The following SRSF7 variants were observed in gnomAD, a reference collection of about 807,000 sequenced individuals.
SRSF7 encodes the protein serine and arginine rich splicing factor 7.
SRSF7 carries 15 observed loss-of-function variants against 42.2 expected under a neutral mutation model. That is an observed-to-expected ratio of 0.36 (90% CI 0.24 to 0.55). SRSF7 has a LOEUF of 0.55. SRSF7 is among the 20% of genes least tolerant of loss of function. SRSF7 has a pLI of 0.88. For synonymous variants in SRSF7, 138 were observed against 107.9 expected, an observed-to-expected ratio of 1.28 and a Z score of -1.73; for missense variants, 181 against 305.9, an observed-to-expected ratio of 0.59 and a Z score of 3.04.
chr2:38,746,265 G>A (rs1030230312), intron 6 of SRSF7, 86 bp from the exon 7 acceptor site: 7 of 1,443,236 alleles, frequency 4.9e-6, no homozygotes, highest in African/African-American at 1.4e-5. Flanking sequence ...ACCCCCAAAT[G>A]TCCTAAGCTT....
intron 6 of SRSF7, 40 bp downstream of exon 6, chr2:38,746,654 G>T (rs755949158): frequency 6.2e-7 from 1 of 1,607,440 alleles, no homozygotes. Context: ...GGATATTGGT[G>T]CCATATAACT....
At chr2:38,745,576 A>G (rs1226275396) in intron 7 of SRSF7, among the ~76,000 whole-genome samples, 1 of 151,732 alleles carries the variant, frequency 6.6e-6, no homozygotes, top group Non-Finnish European at 1.5e-5. Context: ...AATTGCTTGA[A>G]CCCGGGAATC....
chr2:38,750,517 G>T (rs575603447), intron 1 of SRSF7, among the ~76,000 whole-genome samples: 1 of 151,526 alleles, frequency 6.6e-6, no homozygotes, highest in African/African-American at 2.4e-5. Flanking sequence ...CGGGCGCACC[G>T]GGAGCGCGCG....
At chr2:38,748,226 G>C in intron 4 of SRSF7, 69 bp from the exon 5 acceptor site, 1 of 1,217,812 alleles carries the variant, frequency 8.2e-7, no homozygotes. Context: ...ACTTCAACTG[G>C]GGAACGGTGC....
intron 1 of SRSF7, 48 bp downstream of exon 1, chr2:38,751,181 G>A (rs1157347604): frequency 2.5e-6 from 4 of 1,612,166 alleles, no homozygotes; most frequent in Admixed American, 3.3e-5. Flanking sequence ...GCCTCGCAGT[G>A]CTCACTACAC....
chr2:38,750,388 T>A (rs1668111530), intron 1 of SRSF7, among the ~76,000 whole-genome samples, 194 bp from the exon 2 acceptor site: 1 of 151,504 alleles, frequency 6.6e-6, no homozygotes, highest in African/African-American at 2.4e-5. Flanking sequence ...TTGACAAAAT[T>A]CTTAACGTTC....
chr2:38,745,963 A>C (rs998460982), intron 7 of SRSF7, among the ~76,000 whole-genome samples, 181 bp downstream of exon 7: 2 of 152,204 alleles, frequency 1.3e-5, no homozygotes, highest in Non-Finnish European at 2.9e-5. Context: ...TATTTCCAGC[A>C]AAAGTATAAA....
At chr2:38,748,215 G>C in intron 4 of SRSF7, 58 bp from the exon 5 acceptor site, 1 of 1,317,456 alleles carries the variant, frequency 7.6e-7, no homozygotes. Context: ...GGCCTGTTAA[G>C]ACTTCAACTG....
Position 38,748,141 on chromosome 2 carries a change from G to A in SRSF7, c.478C>T (p.Pro160Ser). 1.1e-5 allele frequency: 18 copies of A among 1,613,574 alleles called. No homozygotes were observed. Among genetic ancestry groups the A allele is most frequent in the Non-Finnish European group, 1.4e-5 (17 of 1,179,696 alleles). Reference sequence around the variant, plus strand: ...AGAGAGATAGATCTTGATCGTCGAGGAGATGCTGACCTTGACCTAAAATAA... The same window carrying A: ...AGAGAGATAGATCTTGATCGTCGAGAAGATGCTGACCTTGACCTAAAATAA... The part of the protein sequence containing the change: ...SRGRRSRSAS[P>S]RRSRSISLRR... Residue 160 changes from proline to serine, a missense_variant, in exon 5 of 8, where the codon CCT (proline) becomes TCT (serine). Physicochemically the swap from Pro to Ser is moderately conservative, Grantham distance 74. This residue lies in a region of SRSF7 where 136 missense variants were observed against 147.8 expected (regional missense o/e 0.92). Coordinates refer to ENST00000313117, the MANE Select transcript of SRSF7 (RefSeq NM_001031684.3).
chr2:38,744,986 T>C lies in SRSF7; in HGVS notation c.*147A>G. 1.3e-6 allele frequency: 1 copy of C among 746,506 alleles called. No individual in the cohort carries two copies. Among genetic ancestry groups the C allele is most frequent in the Non-Finnish European group, 2.1e-6 (1 of 471,158 alleles). The allele number at this position is 746,506 out of a possible 1,614,324, so 46.2% of individuals were successfully genotyped here. A position where few individuals can be genotyped will look rare whatever the true frequency, so the allele number is the denominator to read the frequency against. On this transcript the variant is annotated 3_prime_UTR_variant, in exon 8 of 8. Transcript: ENST00000313117. ...TACATTCAACAAAATTTATATTATCTTACTGCTGTGAATTTACATAGTAAT... is the reference window on the plus strand; with the variant it reads ...TACATTCAACAAAATTTATATTATCCTACTGCTGTGAATTTACATAGTAAT...
chr2:38,744,319 G>C lies in SRSF7; in HGVS notation c.*814C>G. 6.6e-6 allele frequency: 1 copy of C among 152,578 alleles called. No individual in the cohort carries two copies. Among genetic ancestry groups the C allele is most frequent in the African/African-American group, 2.4e-5 (1 of 41,440 alleles). The allele number at this position is 152,578 out of a possible 1,614,324, so 9.5% of individuals were successfully genotyped here. On this transcript the variant is annotated 3_prime_UTR_variant, in exon 8 of 8. Coordinates refer to ENST00000313117, the MANE Select transcript of SRSF7 (RefSeq NM_001031684.3). The stretch of plus-strand genomic sequence containing the variant: ...AAGCTGGTTTACATGAAGGTGTTTT[G>C]TCCCAATTTCAGACAATTCCTCAAA...
At position 38,751,290 on chromosome 2, in the gene SRSF7, GC is replaced by G; in HGVS notation, c.-35del. 1 of 1,613,986 alleles carries G rather than the reference GC, an allele frequency of 6.2e-7. No individual in the cohort carries two copies. The highest frequency in any genetic ancestry group is 2.2e-5 in the East Asian group (1 of 44,878). ...ACCCGCGTGCTCGGCTCTTTAGCAA[GC>G]AGCGCCCAGGGCTCGAGTGACGCAA... On this transcript the variant is annotated 5_prime_UTR_variant, in exon 1 of 8. Coordinates refer to ENST00000313117, the MANE Select transcript of SRSF7 (RefSeq NM_001031684.3).
intron 7 of SRSF7, 127 bp downstream of exon 7, chr2:38,746,017 G>T: frequency 3.5e-6 from 3 of 854,338 alleles, no homozygotes; most frequent in Non-Finnish European, 5.5e-6. Context: ...CAGAAACTTA[G>T]CATAGTATTT....
In SRSF7 at chr2:38,751,300, G is replaced by C; in HGVS notation, c.-44C>G. 3.1e-6 allele frequency: 5 copies of C among 1,613,816 alleles called. No individual in the cohort carries two copies. The highest frequency in any genetic ancestry group is 2.2e-5 in the East Asian group (1 of 44,874). ...TCGGCTCTTTAGCAAGCAGCGCCCA[G>C]GGCTCGAGTGACGCAAAAGCTGACA... On this transcript the variant is annotated 5_prime_UTR_variant, in exon 1 of 8. Coordinates refer to ENST00000313117, the MANE Select transcript of SRSF7 (RefSeq NM_001031684.3).
chr2:38,749,398 A>G (rs1248266860), intron 3 of SRSF7, 131 bp downstream of exon 3: 1 of 1,555,860 alleles, frequency 6.4e-7, no homozygotes, highest in Non-Finnish European at 8.7e-7. Context: ...TTTTTTAATT[A>G]AACAAAAATT....
Position 38,745,165 on chromosome 2 carries a change from G to C in SRSF7, c.685C>G (p.Arg229Gly). The stretch of plus-strand genomic sequence containing the variant: ...ATTCTTTCAGGACTTGCACTTCTGC[G>C]AGGACTTCCTGATGGGGAACGACTA... ...KRSRSPSGSP[R>G]RSASPERMD The change falls in exon 8 of 8, where the codon CGC becomes GGC. Residue 229 changes from arginine to glycine, a missense_variant. Transcript: ENST00000313117. 19 of 1,614,044 alleles carry C rather than the reference G, an allele frequency of 1.2e-5. No homozygotes were observed. Among genetic ancestry groups the C allele is most frequent in the Non-Finnish European group, 1.4e-5 (17 of 1,180,014 alleles).
Position 38,744,934 on chromosome 2 carries a change from C to T in SRSF7, c.*199G>A. ...TTATTTAAATGTGCCAAATAAAAAC[C>T]CACATTTTCAGACCATATGATGTTA... On this transcript the variant is annotated 3_prime_UTR_variant, in exon 8 of 8. Coordinates refer to ENST00000313117, the MANE Select transcript of SRSF7 (RefSeq NM_001031684.3). The T allele has an allele frequency of 6.3e-6, 3 of 473,578 alleles. No homozygotes were observed. Among genetic ancestry groups the T allele is most frequent in the East Asian group, 6.6e-5 (2 of 30,172 alleles). The allele number at this position is 473,578 out of a possible 1,614,324, so 29.3% of individuals were successfully genotyped here.
intron 5 of SRSF7, chr2:38,747,154 G>C (rs535652160): frequency 6.4e-6 from 3 of 470,166 alleles, no homozygotes; most frequent in Admixed American, 2.3e-5. Context: ...AAAATAACCA[G>C]ACCCCTGAAC....
chr2:38,748,449 T>C, intron 4 of SRSF7, 130 bp downstream of exon 4: 10 of 896,774 alleles, frequency 1.1e-5, no homozygotes, highest in South Asian at 4.1e-5. Context: ...GTCGTGGTTA[T>C]GCCCCTGTAC....
Sources: gnomAD v4.1 joint callset for allele counts (sites outside exome capture counted in the v4.1 genomes callset) on GRCh38, gnomAD v4.1.1 for gene constraint, gnomAD v4.1.1 regional missense constraint, MANE v1.5 for transcripts, NCBI Gene and HGNC (gene_info 2026-07-23, HGNC 2026-07-21) for gene names.